The following TAFA5 variants were observed in gnomAD, a reference collection of about 807,000 sequenced individuals.
TAFA5 encodes the protein chemokine-like protein TAFA-5.
TAFA5 carries 6 observed loss-of-function variants against 15.3 expected under a neutral mutation model. The ratio of observed to expected loss-of-function variants is 0.39; its 90% CI spans 0.21 to 0.77. TAFA5 has a LOEUF of 0.77. TAFA5 is among the 30% of genes least tolerant of loss of function. The probability of loss-of-function intolerance (pLI) is 0.41; values close to 1 mark genes in which losing one functional copy is unlikely to be tolerated. For missense variants in TAFA5, 161 were observed against 193.1 expected (o/e 0.83, Z 0.98); for synonymous variants, 103 against 80.7 (o/e 1.28, Z -1.48).
At chr22:48,725,915 G>A (rs1929702054) in intron 3 of TAFA5, among the ~76,000 whole-genome samples, 2 of 152,124 alleles carry the variant, frequency 1.3e-5, no homozygotes, top group Non-Finnish European at 2.9e-5. Flanking sequence ...TACTCGAGCT[G>A]GAGGAAACTG....
Position 48,689,560 on chromosome 22 carries a change from G to A in TAFA5, c.263-18157G>A, listed in dbSNP as rs906154115. The stretch of plus-strand genomic sequence containing the variant: ...TGGAGACAAAGTGGTGACGTGAGAT[G>A]TTGCTCAATCTTGAGGCCCTGCTGC... On this transcript the variant is annotated intron_variant, in intron 2 of 3. Coordinates refer to ENST00000402357, the MANE Select transcript of TAFA5 (RefSeq NM_001082967.3). 1.4e-4 allele frequency among the ~76,000 whole-genome samples: 21 copies of A among 152,278 alleles called. 1 individual carries two copies. Among genetic ancestry groups the A allele is most frequent in the South Asian group, 1.0e-3 (5 of 4,826 alleles).
At chr22:48,554,094 G>A (rs1253442906) in intron 1 of TAFA5, among the ~76,000 whole-genome samples, 4 of 152,218 alleles carry the variant, frequency 2.6e-5, no homozygotes, top group Middle Eastern at 3.2e-3. Context: ...CTCAGCTCCC[G>A]CCTGGGCTCA....
At chr22:48,726,222 A>T (rs1224329033) in intron 3 of TAFA5, among the ~76,000 whole-genome samples, 3 of 152,272 alleles carry the variant, frequency 2.0e-5, no homozygotes, top group African/African-American at 7.2e-5. Context: ...GTAAATAAAT[A>T]AGACAGCTTT....
chr22:48,527,105 G>C (rs1164519470), intron 1 of TAFA5, among the ~76,000 whole-genome samples: 1 of 152,232 alleles, frequency 6.6e-6, no homozygotes, highest in African/African-American at 2.4e-5. Context: ...GCCCCACCCA[G>C]TGCCCCGTGG....
intron 2 of TAFA5, among the ~76,000 whole-genome samples, chr22:48,694,571 G>A (rs920431875): frequency 5.3e-5 from 8 of 152,012 alleles, no homozygotes; most frequent in African/African-American, 1.4e-4. Flanking sequence ...GGCTGTGTCC[G>A]CTCACCCCAA....
chr22:48,648,214 C>T (rs1342916794), intron 2 of TAFA5, among the ~76,000 whole-genome samples: 2 of 150,950 alleles, frequency 1.3e-5, no homozygotes, highest in East Asian at 4.0e-4. Flanking sequence ...GTCCCATGCT[C>T]AGCTGGCCCA....
At chr22:48,741,756 A>T (rs1036974446) in intron 3 of TAFA5, among the ~76,000 whole-genome samples, 2 of 152,164 alleles carry the variant, frequency 1.3e-5, no homozygotes, top group Non-Finnish European at 2.9e-5. Flanking sequence ...TGTGGATCCC[A>T]GACGTCCAGC....
chr22:48,603,119 C>T (rs886977474), intron 1 of TAFA5, among the ~76,000 whole-genome samples: 3 of 152,314 alleles, frequency 2.0e-5, no homozygotes, highest in Middle Eastern at 3.4e-3. Flanking sequence ...AGGCCCCCCA[C>T]GTCCAGGACC....
At chr22:48,628,660 G>T (rs553293293) in intron 1 of TAFA5, among the ~76,000 whole-genome samples, 2 of 152,332 alleles carry the variant, frequency 1.3e-5, no homozygotes, top group South Asian at 4.1e-4. Context: ...GCTTGGAGAA[G>T]CAGAGCTGCC....
rs546758049 is a variant in TAFA5 at position 48,520,078 on chromosome 22, G to A, written c.112+30374G>A. Among the ~76,000 whole-genome samples the A allele has an allele frequency of 9.7e-4, 147 of 152,326 alleles. 2 individuals are homozygous for A. In the Middle Eastern group the frequency reaches 0.017, roughly 18 times the overall value. ...CCAGAGGAAGACGCCCTGTGGAAAC[G>A]GAGGTGGAGATGGGGGTGACGGGCC... On this transcript the variant is annotated intron_variant, in intron 1 of 3. Coordinates refer to ENST00000402357, the MANE Select transcript of TAFA5 (RefSeq NM_001082967.3).
At chr22:48,580,182 T>C (rs1253171495) in intron 1 of TAFA5, among the ~76,000 whole-genome samples, 2 of 152,132 alleles carry the variant, frequency 1.3e-5, no homozygotes, top group Admixed American at 6.5e-5. Context: ...CAACTTCCAT[T>C]GATTTAGTTA....
intron 2 of TAFA5, among the ~76,000 whole-genome samples, chr22:48,688,484 G>A (rs1487591369): frequency 6.6e-6 from 1 of 152,202 alleles, no homozygotes; most frequent in Non-Finnish European, 1.5e-5. Context: ...CTTGTCTTGT[G>A]TCAGCCTCAT....
At chr22:48,553,998 C>T (rs972433182) in intron 1 of TAFA5, among the ~76,000 whole-genome samples, 10 of 152,212 alleles carry the variant, frequency 6.6e-5, no homozygotes, top group Admixed American at 5.9e-4. Flanking sequence ...TCCCCCAAAG[C>T]GACAAATGAG....
At chr22:48,564,261 C>T (rs944318926) in intron 1 of TAFA5, among the ~76,000 whole-genome samples, 2 of 152,240 alleles carry the variant, frequency 1.3e-5, no homozygotes, top group African/African-American at 4.8e-5. Context: ...AACAGGGACG[C>T]TCCAGGTTGC....
intron 1 of TAFA5, among the ~76,000 whole-genome samples, chr22:48,527,293 TG>T (rs951152254): frequency 1.3e-5 from 2 of 152,202 alleles, no homozygotes; most frequent in South Asian, 2.1e-4. Flanking sequence ...AGCCCAGGCC[TG>T]GGGGGTCTCT....
chr22:48,693,706 ACT>A (rs1185147658), intron 2 of TAFA5, among the ~76,000 whole-genome samples: 1 of 149,878 alleles, frequency 6.7e-6, no homozygotes, highest in African/African-American at 2.5e-5. Flanking sequence ...CCTCATTCCT[ACT>A]CTCTCTCAGT....
At chr22:48,728,748 A>G (rs537451060) in intron 3 of TAFA5, among the ~76,000 whole-genome samples, 222 of 152,360 alleles carry the variant, frequency 1.5e-3, no homozygotes, top group African/African-American at 5.1e-3. Context: ...CCCCTCAAAG[A>G]GGAGAAAACA....
At chr22:48,718,454 C>T (rs1364392304) in intron 3 of TAFA5, among the ~76,000 whole-genome samples, 3 of 152,214 alleles carry the variant, frequency 2.0e-5, no homozygotes, top group East Asian at 1.9e-4. Context: ...GCCAACCACA[C>T]GCAAGCAGGG....
At chr22:48,506,488 T>C (rs1921000592) in intron 1 of TAFA5, among the ~76,000 whole-genome samples, 1 of 152,112 alleles carries the variant, frequency 6.6e-6, no homozygotes, top group African/African-American at 2.4e-5. Flanking sequence ...GTAGGGCTCT[T>C]CCCGGCAGTG....
Sources: gnomAD v4.1 joint callset for allele counts (sites outside exome capture counted in the v4.1 genomes callset) on GRCh38, gnomAD v4.1.1 for gene constraint, MANE v1.5 for transcripts, NCBI Gene and HGNC (gene_info 2026-07-23, HGNC 2026-07-21) for gene names.